Variants in MMRN1 observed in about 807,000 individuals in gnomAD.
MMRN1 encodes the protein multimerin 1.
Under a neutral mutation model 100.7 loss-of-function variants are expected in MMRN1, and 94 were observed. That is an observed-to-expected ratio of 0.93 (90% CI 0.79 to 1.11). MMRN1 has a LOEUF of 1.11. Ranked by LOEUF, MMRN1 falls within the 50% of genes least tolerant of loss-of-function variation. The probability of loss-of-function intolerance (pLI) is 0.00; values close to 1 mark genes in which losing one functional copy is unlikely to be tolerated. For synonymous variants in MMRN1, 575 were observed against 505.0 expected, an observed-to-expected ratio of 1.14 and a Z score of -1.86; for missense variants, 1,606 against 1,439.1, an observed-to-expected ratio of 1.12 and a Z score of -1.88.
In MMRN1 at chr4:89,935,181, C is replaced by T. The variant is rs1722568534; in HGVS notation, c.1501C>T (p.Leu501=). The change falls in exon 6 of 8, where the codon CTG becomes TTG. Residue 501 remains leucine (L), a synonymous_variant. Coordinates refer to ENST00000264790, the MANE Select transcript of MMRN1 (RefSeq NM_007351.3). The part of the protein sequence containing the change: ...ALEQEHSRSI[L]YYESLNKTLS... ...AGAACAGGAACACTCAAGAAGCATT[C>T]TGTATTATGAATCCCTCAATAAAAC... 1.9e-6 allele frequency: 3 copies of T among 1,613,110 alleles called. No individual in the cohort carries two copies. In the African/African-American group the frequency reaches 4.0e-5, roughly 22 times the overall value.
intron 6 of MMRN1, among the ~76,000 whole-genome samples, chr4:89,942,899 C>G (rs1722879416): frequency 6.6e-6 from 1 of 152,004 alleles, no homozygotes; most frequent in African/African-American, 2.4e-5. Context: ...GTTAATGAAC[C>G]TTCCTTTCAG....
At chr4:89,909,430 T>G (rs1185237085) in intron 2 of MMRN1, 35 bp downstream of exon 2, 1 of 1,603,970 alleles carries the variant, frequency 6.2e-7, no homozygotes, top group Admixed American at 1.7e-5. Context: ...CCACTGTTTT[T>G]GCACCATAAT....
chr4:89,908,299 A>AT (rs1204272083), intron 1 of MMRN1, among the ~76,000 whole-genome samples: 1 of 151,436 alleles, frequency 6.6e-6, no homozygotes, highest in African/African-American at 2.4e-5. Flanking sequence ...CAGATTTATA[A>AT]TTTTTGCCAT....
intron 6 of MMRN1, among the ~76,000 whole-genome samples, chr4:89,946,006 TA>T (rs1722974433): frequency 6.6e-6 from 1 of 152,140 alleles, no homozygotes; most frequent in African/African-American, 2.4e-5. Context: ...GAAAACTTAA[TA>T]AAAACAAATA....
intron 6 of MMRN1, among the ~76,000 whole-genome samples, chr4:89,937,717 C>T (rs1232061888): frequency 1.3e-5 from 2 of 152,036 alleles, no homozygotes; most frequent in Non-Finnish European, 2.9e-5. Flanking sequence ...AAAAAATCCA[C>T]GATCTGTTCA....
At chr4:89,914,061 A>G (rs927882076) in intron 3 of MMRN1, among the ~76,000 whole-genome samples, 2 of 151,296 alleles carry the variant, frequency 1.3e-5, no homozygotes, top group Admixed American at 1.3e-4. Context: ...CACTGGTTGT[A>G]TTAGGAACTA....
chr4:89,950,719 AT>A (rs1348680736), intron 6 of MMRN1, among the ~76,000 whole-genome samples: 1 of 151,176 alleles, frequency 6.6e-6, no homozygotes, highest in Non-Finnish European at 1.5e-5. Context: ...TCTTATTTTT[AT>A]TTATTTTTTA....
chr4:89,935,250 G>A lies in MMRN1; in HGVS notation c.1570G>A (p.Glu524Lys). Residue 524 changes from glutamate (E) to lysine (K), a missense_variant, in exon 6 of 8, where the codon GAA (glutamate) becomes AAA (lysine). Physicochemically the swap from Glu to Lys is moderately conservative, Grantham distance 56. Coordinates refer to ENST00000264790, the MANE Select transcript of MMRN1 (RefSeq NM_007351.3). ...KEVHEQLLSTEQVSDQKNAPA... is the reference protein window; with the variant it reads ...KEVHEQLLSTKQVSDQKNAPA... ...AGTACATGAGCAGCTTTTATCAACT[G>A]AACAGGTATCAGACCAGAAGAATGC... 1 of 1,613,714 alleles carries A rather than the reference G, an allele frequency of 6.2e-7. No individual in the cohort carries two copies. Among genetic ancestry groups the A allele is most frequent in the Non-Finnish European group, 8.5e-7 (1 of 1,179,778 alleles).
chr4:89,912,539 G>A (rs756250565), intron 3 of MMRN1, among the ~76,000 whole-genome samples: 27 of 150,710 alleles, frequency 1.8e-4, no homozygotes, highest in Middle Eastern at 3.2e-3. Context: ...TTCTAATGGA[G>A]CTATTTTTTT....
At chr4:89,900,776 T>A (rs539593671) in intron 1 of MMRN1, among the ~76,000 whole-genome samples, 3 of 151,974 alleles carry the variant, frequency 2.0e-5, no homozygotes, top group African/African-American at 7.2e-5. Context: ...TGGCAAAGCA[T>A]TGGTATATAG....
At chr4:89,929,575 T>A (rs1396171380) in intron 5 of MMRN1, among the ~76,000 whole-genome samples, 2 of 152,286 alleles carry the variant, frequency 1.3e-5, no homozygotes, top group East Asian at 3.9e-4. Context: ...TTGGTTCTCA[T>A]GACCTAACAG....
intron 1 of MMRN1, among the ~76,000 whole-genome samples, chr4:89,898,388 A>T (rs915546617): frequency 1.3e-5 from 2 of 151,838 alleles, no homozygotes; most frequent in Admixed American, 1.3e-4. Flanking sequence ...CAGGGCAAAG[A>T]CTCAAATCCA....
intron 5 of MMRN1, 32 bp from the exon 6 acceptor site, chr4:89,934,778 A>T (rs1722547915): frequency 8.0e-7 from 1 of 1,244,408 alleles, no homozygotes; most frequent in Non-Finnish European, 1.1e-6. Context: ...ATATAATTAA[A>T]ACTATGTATT....
intron 1 of MMRN1, among the ~76,000 whole-genome samples, chr4:89,900,759 A>G (rs1372245516): frequency 6.6e-6 from 1 of 152,022 alleles, no homozygotes; most frequent in Admixed American, 6.6e-5. Context: ...GGCTAGAGAT[A>G]TAAATTTGGC....
chr4:89,940,806 A>T (rs1422721139), intron 6 of MMRN1, among the ~76,000 whole-genome samples: 2 of 152,274 alleles, frequency 1.3e-5, no homozygotes, highest in African/African-American at 4.8e-5. Context: ...TTATTTTCTC[A>T]ACATTTTCAC....
At chr4:89,951,446 A>G in intron 6 of MMRN1, 159 bp from the exon 7 acceptor site, 1 of 585,730 alleles carries the variant, frequency 1.7e-6, no homozygotes, top group Non-Finnish European at 2.7e-6. Context: ...GATTTGCATG[A>G]CGTCCTGTGC....
intron 1 of MMRN1, among the ~76,000 whole-genome samples, chr4:89,888,835 A>G (rs1024431137): frequency 5.9e-5 from 9 of 152,116 alleles, no homozygotes; most frequent in Non-Finnish European, 1.0e-4. Context: ...CTGTTCAGAC[A>G]TGTTGCCCAT....
intron 3 of MMRN1, 58 bp downstream of exon 3, chr4:89,912,108 G>C: frequency 1.7e-6 from 2 of 1,204,552 alleles, no homozygotes; most frequent in Non-Finnish European, 2.3e-6. Flanking sequence ...TTCTATTGAA[G>C]AAAAGAATAG....
At chr4:89,902,163 CTG>C (rs758898026) in intron 1 of MMRN1, 2 of 116,780 alleles carry the variant, frequency 1.7e-5, no homozygotes, top group South Asian at 3.0e-4. Context: ...ATATCACACT[CTG>C]GGGACTGTGG....
Sources: gnomAD v4.1 joint callset for allele counts (sites outside exome capture counted in the v4.1 genomes callset) on GRCh38, gnomAD v4.1.1 for gene constraint, MANE v1.5 for transcripts, NCBI Gene and HGNC (gene_info 2026-07-23, HGNC 2026-07-21) for gene names.